The following SIN3A variants were observed in gnomAD, a reference collection of about 807,000 sequenced individuals.
The protein encoded by SIN3A is paired amphipathic helix protein Sin3a.
A neutral mutation model predicts 146.1 loss-of-function variants in SIN3A; 14 were observed. The ratio of observed to expected loss-of-function variants is 0.10; its 90% CI spans 0.06 to 0.15. The LOEUF (loss-of-function observed/expected upper bound fraction) is 0.15, where lower values mean the gene tolerates loss of function less well. Ranked by LOEUF, SIN3A falls within the 10% of genes least tolerant of loss-of-function variation. The probability of loss-of-function intolerance (pLI) is 1.00; values close to 1 mark genes in which losing one functional copy is unlikely to be tolerated. For missense variants in SIN3A, 1,028 were observed against 1,576.0 expected (o/e 0.65, Z 5.89); for synonymous variants, 572 against 572.0 (o/e 1.00, Z 0.00).
At chr15:75,379,202 ATTG>A (rs1423883174) in intron 19 of SIN3A, among the ~76,000 whole-genome samples, 1 of 152,058 alleles carries the variant, frequency 6.6e-6, no homozygotes, top group African/African-American at 2.4e-5. Flanking sequence ...CCAGCCCAAT[ATTG>A]TTATTTTTCA....
At chr15:75,390,373 G>C (rs1257046787) in intron 15 of SIN3A, among the ~76,000 whole-genome samples, 1 of 152,234 alleles carries the variant, frequency 6.6e-6, no homozygotes, top group Non-Finnish European at 1.5e-5. Flanking sequence ...AAGTCCTTTT[G>C]TTTAAAAATG....
chr15:75,399,084 C>T (rs2073359295), intron 12 of SIN3A, among the ~76,000 whole-genome samples: 1 of 150,900 alleles, frequency 6.6e-6, no homozygotes, highest in African/African-American at 2.4e-5. Flanking sequence ...TGCCTGTAGT[C>T]CCAGCCACTC....
chr15:75,372,920 C>G (rs2072781049), intron 20 of SIN3A, among the ~76,000 whole-genome samples: 1 of 151,854 alleles, frequency 6.6e-6, no homozygotes, highest in African/African-American at 2.4e-5. Context: ...TCTAATGTAT[C>G]CTGGGTAGGA....
intron 20 of SIN3A, among the ~76,000 whole-genome samples, chr15:75,372,844 AAAACC>A: frequency 1.9e-4 from 28 of 146,804 alleles, no homozygotes; most frequent in African/African-American, 6.6e-4. Context: ...AAAAAAACCC[AAAACC>A]CCCAAAACCC....
chr15:75,415,955 G>A, intron 3 of SIN3A: 1 of 331,116 alleles, frequency 3.0e-6, no homozygotes, highest in Non-Finnish European at 5.8e-6. Context: ...GAATAACCTT[G>A]CAGGAAATGG....
At chr15:75,451,831 C>T (rs1441045988), upstream of SIN3A, 1 of 152,020 alleles carries the variant, frequency 6.6e-6, no homozygotes, top group Non-Finnish European at 1.5e-5. Context: ...CGCCCCTTCC[C>T]CCTCGACTGG....
intron 9 of SIN3A, among the ~76,000 whole-genome samples, chr15:75,402,383 A>G (rs934153647): frequency 6.6e-6 from 1 of 151,830 alleles, no homozygotes; most frequent in African/African-American, 2.4e-5. Flanking sequence ...ATGGTGGCAC[A>G]CGCCTGTAAT....
intron 2 of SIN3A, among the ~76,000 whole-genome samples, chr15:75,429,470 T>TG (rs1429540792): frequency 6.6e-6 from 1 of 152,208 alleles, no homozygotes; most frequent in Non-Finnish European, 1.5e-5. Flanking sequence ...TTTGACTGCA[T>TG]GGGGGGAAGT....
In SIN3A at chr15:75,400,029, C is replaced by A. The variant is rs764380404; in HGVS notation, c.1854+11G>T. On this transcript the variant is annotated intron_variant, in intron 12 of 20. Coordinates refer to ENST00000394947, the MANE Select transcript of SIN3A (RefSeq NM_001145358.2). ...ATTTCCCCCAACTTCAAATGCCAAA[C>A]AAGCTTGTACCTCAAAGCGTTCATC... The A allele has an allele frequency of 2.0e-6, 3 of 1,473,434 alleles. No individual in the cohort carries two copies. The highest frequency in any genetic ancestry group is 1.7e-5 in the Admixed American group (1 of 59,024). The allele number at this position is 1,473,434 out of a possible 1,614,324, so 91.3% of individuals were successfully genotyped here. A position where few individuals can be genotyped will look rare whatever the true frequency, so the allele number is the denominator to read the frequency against.
At chr15:75,393,121 T>C (rs970981530) in intron 14 of SIN3A, among the ~76,000 whole-genome samples, 6 of 152,124 alleles carry the variant, frequency 3.9e-5, no homozygotes, top group African/African-American at 1.4e-4. Flanking sequence ...TCCCAGCCCT[T>C]GGGATGCTAA....
chr15:75,435,679 CA>C (rs2141591677), intron 1 of SIN3A, among the ~76,000 whole-genome samples: 1 of 105,622 alleles, frequency 9.5e-6, no homozygotes, highest in South Asian at 2.8e-4. Flanking sequence ...GCCTGGGCAA[CA>C]AGAGTGAAAC....
chr15:75,447,298 G>A (rs2074324343), intron 1 of SIN3A, among the ~76,000 whole-genome samples: 1 of 152,226 alleles, frequency 6.6e-6, no homozygotes. Flanking sequence ...CAGATCCTAA[G>A]TGGTCTAATT....
intron 1 of SIN3A, 73 bp from the exon 2 acceptor site, chr15:75,430,481 C>T (rs1181546017): frequency 8.4e-7 from 1 of 1,185,448 alleles, no homozygotes; most frequent in Non-Finnish European, 1.2e-6. Context: ...TAGGACCAGT[C>T]ACCCAAGTTT....
chr15:75,404,768 TAAAAAA>T lies in SIN3A; in HGVS notation c.1407+2281_1407+2286del, dbSNP rs11347632. On this transcript the variant is annotated intron_variant, in intron 9 of 20. Coordinates refer to ENST00000394947, the MANE Select transcript of SIN3A (RefSeq NM_001145358.2). The stretch of plus-strand genomic sequence containing the variant: ...GAGTGAGACTGTCCCAGAAAAAAAA[TAAAAAA>T]AAAACAAAAAAACAAAAACAAAAAC... 2.0e-5 allele frequency among the ~76,000 whole-genome samples: 3 copies of T among 148,114 alleles called. No homozygotes were observed. In the Admixed American group the frequency reaches 2.0e-4, roughly 10 times the overall value.
chr15:75,400,522 G>A lies in SIN3A; in HGVS notation c.1737+208C>T, dbSNP rs549053475. ...CCAGGAGGTTGAGGCACTATGAGCCGTGATCACATCACTGCACTACAGCCT... is the reference window on the plus strand; with the variant it reads ...CCAGGAGGTTGAGGCACTATGAGCCATGATCACATCACTGCACTACAGCCT... On this transcript the variant is annotated intron_variant, in intron 11 of 20. Coordinates refer to ENST00000394947, the MANE Select transcript of SIN3A (RefSeq NM_001145358.2). Among the ~76,000 whole-genome samples, 6 of 152,276 alleles carry A rather than the reference G, an allele frequency of 3.9e-5. No homozygotes were observed. In the South Asian group the frequency reaches 8.3e-4, roughly 21 times the overall value.
At chr15:75,419,879 T>C (rs191027294) in intron 3 of SIN3A, 1 of 152,208 alleles carries the variant, frequency 6.6e-6, no homozygotes. Flanking sequence ...CTTTAAAAAC[T>C]CTGCATGACA....
At chr15:75,402,798 A>C (rs908117841) in intron 9 of SIN3A, among the ~76,000 whole-genome samples, 5 of 151,902 alleles carry the variant, frequency 3.3e-5, no homozygotes, top group African/African-American at 1.2e-4. Flanking sequence ...CTACACCCGG[A>C]TAATTTTTCT....
intron 1 of SIN3A, among the ~76,000 whole-genome samples, chr15:75,434,581 T>C (rs1398637284): frequency 1.4e-4 from 19 of 137,514 alleles, no homozygotes; most frequent in East Asian, 2.2e-4. Context: ...ACCTGGGAGG[T>C]GGAGGTTGCA....
intron 19 of SIN3A, among the ~76,000 whole-genome samples, chr15:75,377,222 C>G (rs1336078745): frequency 6.6e-6 from 1 of 152,146 alleles, no homozygotes. Flanking sequence ...ATCAATGAAT[C>G]CATTTTACTT....
Sources: gnomAD v4.1 joint callset for allele counts (sites outside exome capture counted in the v4.1 genomes callset) on GRCh38, gnomAD v4.1.1 for gene constraint, MANE v1.5 for transcripts, NCBI Gene and HGNC (gene_info 2026-07-23, HGNC 2026-07-21) for gene names.